The following FLNC variants were observed in gnomAD, a reference collection of about 807,000 sequenced individuals.
The protein encoded by FLNC is filamin C, also known as filamin-C.
A neutral mutation model predicts 254.3 loss-of-function variants in FLNC; 91 were observed. The observed-to-expected ratio is 0.36, with a 90% CI of 0.30 to 0.43. The LOEUF is 0.43. FLNC is among the 20% of genes least tolerant of loss of function. FLNC has a pLI of 1.00. For synonymous variants in FLNC, 1,430 were observed against 1,577.2 expected (o/e 0.91, Z 2.21); for missense variants, 2,853 against 3,802.6 (o/e 0.75, Z 6.57).
At chr7:128,832,220 C>T (rs1807920752) in intron 1 of FLNC, among the ~76,000 whole-genome samples, 1 of 152,122 alleles carries the variant, frequency 6.6e-6, no homozygotes, top group Non-Finnish European at 1.5e-5. Context: ...CCAATACTGC[C>T]CCCCCACCCC....
chr7:128,847,973 C>T lies in FLNC; in HGVS notation c.4485C>T (p.Asp1495=), dbSNP rs373198674. The change falls in exon 26 of 48, where the codon GAC becomes GAT. Residue 1495 remains aspartate (D), a synonymous_variant. Coordinates refer to ENST00000325888, the MANE Select transcript of FLNC (RefSeq NM_001458.5). ...TGVAEPVEVR[D]NGDGTHTVHY... The stretch of plus-strand genomic sequence containing the variant: ...TGGCCGAGCCTGTGGAGGTGCGGGA[C>T]AATGGAGATGGCACCCACACTGTCC... 3.7e-6 allele frequency: 6 copies of T among 1,612,806 alleles called. No homozygotes were observed. Among genetic ancestry groups the T allele is most frequent in the Admixed American group, 1.7e-5 (1 of 59,838 alleles).
intron 20 of FLNC, 53 bp from the exon 21 acceptor site, chr7:128,844,605 G>T: frequency 1.3e-6 from 2 of 1,521,872 alleles, no homozygotes. Flanking sequence ...GGCCATGAAG[G>T]CTGGGATGAG....
chr7:128,842,672 C>CA lies in FLNC; in HGVS notation c.2363_2364insA (p.Val789GlyfsTer28). 6.9e-7 allele frequency: 1 copy of CA among 1,451,488 alleles called. No individual in the cohort carries two copies. The highest frequency in any genetic ancestry group is 9.2e-7 in the Non-Finnish European group (1 of 1,086,336). The allele number at this position is 1,451,488 out of a possible 1,614,324, so 89.9% of individuals were successfully genotyped here. A position where few individuals can be genotyped will look rare whatever the true frequency, so the allele number is the denominator to read the frequency against. ...AAGGCCAATGAGCCCACCTACTTCA[C>CA]GGTGGACTGCAGCGAGGCGGGGCAA... On this transcript the variant is annotated frameshift_variant, in exon 15 of 48. Transcript: ENST00000325888. LOFTEE classifies it high-confidence loss of function. The surrounding 1 kb of genome is among the most constrained non-coding windows in gnomAD (Gnocchi z 5.4).
rs560283705 is a variant in FLNC at position 128,835,240 on chromosome 7, C to T, written c.353-86C>T. The T allele has an allele frequency of 7.5e-6, 12 of 1,592,422 alleles. No homozygotes were observed. Among genetic ancestry groups the T allele is most frequent in the East Asian group, 4.5e-5 (2 of 44,732 alleles). On this transcript the variant is annotated intron_variant, in intron 1 of 47. Transcript: ENST00000325888. The surrounding 1 kb of genome is among the most constrained non-coding windows in gnomAD (Gnocchi z 5.3). ...GAGGCCTGACCCCAGAGCTCTGGCC[C>T]GAGGAGCTGCGCAGGTGAGGGAGGG...
intron 8 of FLNC, 79 bp downstream of exon 8, chr7:128,838,882 CG>C: frequency 1.4e-6 from 2 of 1,388,880 alleles, no homozygotes; most frequent in Non-Finnish European, 2.0e-6. Context: ...AGAGCTGGGG[CG>C]GGGGTCTGCA....
At chr7:128,848,106 C>T (rs760471406) in intron 26 of FLNC, 38 bp downstream of exon 26, 102 of 1,571,052 alleles carry the variant, frequency 6.5e-5, no homozygotes, top group Non-Finnish European at 8.4e-5. Flanking sequence ...TGCGGCTGAG[C>T]TCTGGGGTGC....
chr7:128,857,905 CAGTG>C lies in FLNC; in HGVS notation c.7781-99_7781-96del, dbSNP rs1191152697. 1 of 815,450 alleles carries C rather than the reference CAGTG, an allele frequency of 1.2e-6. No homozygotes were observed. Among genetic ancestry groups the C allele is most frequent in the Non-Finnish European group, 2.1e-6 (1 of 478,316 alleles). The allele number at this position is 815,450 out of a possible 1,614,324, so 50.5% of individuals were successfully genotyped here. ...TTTGAGGGGGAGCCTCAAATGCAGG[CAGTG>C]AGTCCCACAGGGTGGCAGTGCTGGC... is the stretch of plus-strand genomic sequence containing the variant. On this transcript the variant is annotated intron_variant, in intron 46 of 47. Transcript: ENST00000325888. The surrounding 1 kb of genome is among the most constrained non-coding windows in gnomAD (Gnocchi z 4.5).
chr7:128,838,952 A>C, intron 8 of FLNC, 149 bp downstream of exon 8: 1 of 700,876 alleles, frequency 1.4e-6, no homozygotes, highest in Non-Finnish European at 2.4e-6. Context: ...TCCTAAGAGC[A>C]CAGCTGGGAG....
At chr7:128,848,769 C>T (rs1244873891) in intron 27 of FLNC, 24 bp from the exon 28 acceptor site, 1 of 1,614,136 alleles carries the variant, frequency 6.2e-7, no homozygotes, top group Non-Finnish European at 8.5e-7. Context: ...CACAGGCGGG[C>T]CTTGACCTCT....
chr7:128,837,798 G>A (rs1808159488), intron 5 of FLNC, 43 bp downstream of exon 5: 1 of 1,523,860 alleles, frequency 6.6e-7, no homozygotes, highest in African/African-American at 1.4e-5. Context: ...ACTTGGGATT[G>A]GAACCAGAGA....
In FLNC at chr7:128,856,395, G is replaced by T; in HGVS notation, c.7252-123G>T. 1 of 1,327,756 alleles carries T rather than the reference G, an allele frequency of 7.5e-7. No homozygotes were observed. The highest frequency in any genetic ancestry group is 1.1e-6 in the Non-Finnish European group (1 of 942,030). 82.2% of individuals were successfully genotyped at this position (1,327,756 alleles called of 1,614,324 possible). On this transcript the variant is annotated intron_variant, in intron 43 of 47. Coordinates refer to ENST00000325888, the MANE Select transcript of FLNC (RefSeq NM_001458.5). This position sits in a 1 kb window ranked among gnomAD's most constrained non-coding sequence, Gnocchi z 5.9. Reference sequence around the variant, plus strand: ...GGCTGGGCTGGCAGGCAGGGGCCAGGCTGGGCATGGGGTGGCAGCAGCCTT... The same window carrying T: ...GGCTGGGCTGGCAGGCAGGGGCCAGTCTGGGCATGGGGTGGCAGCAGCCTT...
intron 20 of FLNC, 91 bp from the exon 21 acceptor site, chr7:128,844,567 C>A: frequency 1.6e-6 from 2 of 1,219,242 alleles, no homozygotes; most frequent in Non-Finnish European, 2.4e-6. Context: ...CAGTAGCAGC[C>A]ACAGTTGGAG....
rs1808452813 is a variant in FLNC at position 128,844,069 on chromosome 7, C to T, written c.2995C>T (p.Leu999=). 1 of 1,613,932 alleles carries T rather than the reference C, an allele frequency of 6.2e-7. No homozygotes were observed. The highest frequency in any genetic ancestry group is 8.5e-7 in the Non-Finnish European group (1 of 1,180,052). ...ACGAGGGGCTGGCGGTCAGGGCCAA[C>T]TGGATGTGCGGATGACTTCGCCCTC... ...NTRGAGGQGQ[L]DVRMTSPSRR... is the part of the protein sequence containing the mutation. The change falls in exon 20 of 48, where the codon CTG becomes TTG. Residue 999 remains leucine (L), a synonymous_variant. Transcript: ENST00000325888.
At position 128,835,621 on chromosome 7, in the gene FLNC, C is replaced by T. The variant is rs1186688344; in HGVS notation, c.601+47C>T. ...GCATGGAGCCCTTAGCTCCCAAAGA[C>T]AGAGGGGACAAGCTGGGGCTGCCAA... On this transcript the variant is annotated intron_variant, in intron 2 of 47. Coordinates refer to ENST00000325888, the MANE Select transcript of FLNC (RefSeq NM_001458.5). This position sits in a 1 kb window ranked among gnomAD's most constrained non-coding sequence, Gnocchi z 5.3. 8 of 1,599,752 alleles carry T rather than the reference C, an allele frequency of 5.0e-6. No homozygotes were observed. Among genetic ancestry groups the T allele is most frequent in the Non-Finnish European group, 6.8e-6 (8 of 1,172,082 alleles).
In FLNC at chr7:128,853,490, G is replaced by A; in HGVS notation, c.6230G>A (p.Ser2077Asn). The A allele has an allele frequency of 2.5e-6, 4 of 1,614,034 alleles. No homozygotes were observed. The highest frequency in any genetic ancestry group is 3.4e-6 in the Non-Finnish European group (4 of 1,180,014). Reference protein sequence around the residue: ...RNAGYGGLGLSIEGPSKVDIN... With the variant: ...RNAGYGGLGLNIEGPSKVDIN... ...CCAGGTTATGGGGGCTTGGGGCTGA[G>A]TATTGAAGGCCCAAGCAAGGTGGAC... Residue 2077 changes from serine to asparagine, a missense_variant, in exon 38 of 48, where the codon AGT becomes AAT. Coordinates refer to ENST00000325888, the MANE Select transcript of FLNC (RefSeq NM_001458.5).
chr7:128,854,326 A>C, intron 40 of FLNC, 87 bp from the exon 41 acceptor site: 1 of 1,599,290 alleles, frequency 6.3e-7, no homozygotes. Flanking sequence ...AGGTCTGAGC[A>C]GAGGAGGAGG....
In FLNC at chr7:128,835,816, A is replaced by G. The variant is rs1385656301; in HGVS notation, c.601+242A>G. On this transcript the variant is annotated intron_variant, in intron 2 of 47. Transcript: ENST00000325888. The surrounding 1 kb of genome is among the most constrained non-coding windows in gnomAD (Gnocchi z 5.3). ...GTTTAAAACCCCTCATTTTACAGACAAGGACACTATGGCCCAGAGAGGGCT... is the reference window on the plus strand; with the variant it reads ...GTTTAAAACCCCTCATTTTACAGACGAGGACACTATGGCCCAGAGAGGGCT... Among the ~76,000 whole-genome samples, 1 of 152,168 alleles carries G rather than the reference A, an allele frequency of 6.6e-6. No individual in the cohort carries two copies. The highest frequency in any genetic ancestry group is 2.4e-5 in the African/African-American group (1 of 41,430).
In FLNC at chr7:128,853,543, A is replaced by G. The variant is rs373022507; in HGVS notation, c.6283A>G (p.Thr2095Ala). The G allele has an allele frequency of 2.0e-5, 32 of 1,613,944 alleles. No homozygotes were observed. Among genetic ancestry groups the G allele is most frequent in the Non-Finnish European group, 2.5e-5 (30 of 1,180,010 alleles). ...DINCEDMEDGTCKVTYCPTEP... is the reference protein window; with the variant it reads ...DINCEDMEDGACKVTYCPTEP... The stretch of plus-strand genomic sequence containing the variant: ...CAACTGTGAGGACATGGAGGACGGG[A>G]CATGCAAAGTCACCTACTGCCCCAC... The change falls in exon 38 of 48, where the codon ACA becomes GCA. Residue 2095 changes from threonine to alanine, a missense_variant. Transcript: ENST00000325888.
chr7:128,840,459 G>C (rs1808282058), intron 9 of FLNC, 89 bp from the exon 10 acceptor site: 3 of 1,586,788 alleles, frequency 1.9e-6, no homozygotes, highest in Non-Finnish European at 2.6e-6. Context: ...GCTGGGTCGG[G>C]GTCCCAATGG....
Sources: gnomAD v4.1 joint callset for allele counts (sites outside exome capture counted in the v4.1 genomes callset) on GRCh38, gnomAD v4.1.1 for gene constraint, Gnocchi (gnomAD v3.1) non-coding constraint, MANE v1.5 for transcripts, NCBI Gene and HGNC (gene_info 2026-07-23, HGNC 2026-07-21) for gene names.